Variants in DMD observed in about 807,000 individuals in gnomAD.
DMD encodes dystrophin.
DMD carries 63 observed loss-of-function variants against 330.1 expected under a neutral mutation model. That is an observed-to-expected ratio of 0.19 (90% confidence interval 0.16 to 0.24). The LOEUF (loss-of-function observed/expected upper bound fraction) is 0.24, where lower values mean the gene tolerates loss of function less well. Among genes scored for constraint, DMD ranks in the 10% least tolerant of loss-of-function variants. DMD has a pLI of 1.00. For synonymous variants in DMD, 1,223 were observed against 959.8 expected (o/e 1.27, Z -5.07); for missense variants, 3,344 against 2,684.1 (o/e 1.25, Z -5.43).
chrX:33,227,406 A>G (rs2052310771), intron 1 of DMD, among the ~76,000 whole-genome samples: 1 of 111,031 alleles, frequency 9.0e-6, no homozygotes, highest in South Asian at 3.7e-4. Context: ...TTTCATCCTG[A>G]TAAGGTTTTT....
At chrX:31,489,288 G>T (rs953471006) in intron 57 of DMD, among the ~76,000 whole-genome samples, 3 of 111,714 alleles carry the variant, frequency 2.7e-5, no homozygotes, top group African/African-American at 9.8e-5. Context: ...CTACAGGCAC[G>T]TGTCACCACG....
At chrX:32,223,001 A>G (rs1445361253) in intron 43 of DMD, among the ~76,000 whole-genome samples, 2 of 112,000 alleles carry the variant, frequency 1.8e-5, no homozygotes, top group African/African-American at 6.5e-5. Flanking sequence ...AAGAAATAAA[A>G]CTTCCAGCAG....
intron 4 of DMD, among the ~76,000 whole-genome samples, chrX:32,835,529 T>G (rs1035718080): frequency 5.3e-5 from 6 of 112,753 alleles, no homozygotes; most frequent in African/African-American, 9.7e-5. Flanking sequence ...ATAAGTGGCT[T>G]TCCAAAATAC....
intron 1 of DMD, among the ~76,000 whole-genome samples, chrX:33,139,528 C>T (rs116567048): frequency 9.1e-6 from 1 of 110,493 alleles, no homozygotes; most frequent in South Asian, 3.8e-4. Context: ...GTGATCGGAG[C>T]ATGCGGGTGG....
intron 1 of DMD, among the ~76,000 whole-genome samples, chrX:33,171,669 T>C (rs749502565): frequency 9.0e-6 from 1 of 111,705 alleles, no homozygotes. Flanking sequence ...TGCAAAATAA[T>C]TGAGAAATGA....
chrX:32,411,329 C>G (rs1346824303), intron 30 of DMD, among the ~76,000 whole-genome samples: 1 of 110,520 alleles, frequency 9.0e-6, no homozygotes, highest in Non-Finnish European at 1.9e-5. Flanking sequence ...CAGGGTTTCA[C>G]CATGTTGGCC....
chrX:31,234,242 C>A (rs1402782009), intron 63 of DMD, among the ~76,000 whole-genome samples: 1 of 112,493 alleles, frequency 8.9e-6, no homozygotes, highest in African/African-American at 3.2e-5. Flanking sequence ...CAGTTACACT[C>A]TTTTTCAGGT....
chrX:31,299,980 T>G (rs1335628308), intron 62 of DMD, among the ~76,000 whole-genome samples: 1 of 111,601 alleles, frequency 9.0e-6, no homozygotes, highest in Non-Finnish European at 1.9e-5. Flanking sequence ...AATAATTCTA[T>G]TCTCTCCAAT....
chrX:32,270,746 C>G (rs1243735878), intron 43 of DMD, among the ~76,000 whole-genome samples: 1 of 111,635 alleles, frequency 9.0e-6, no homozygotes, highest in Non-Finnish European at 1.9e-5. Context: ...GCCATTCCAG[C>G]TTGAGCCCCA....
intron 55 of DMD, among the ~76,000 whole-genome samples, chrX:31,584,727 C>T (rs1394209315): frequency 9.0e-6 from 1 of 111,302 alleles, no homozygotes; most frequent in African/African-American, 3.3e-5. Flanking sequence ...AGAGAATTGA[C>T]ACTAGGTACA....
At chrX:33,245,407 T>C (rs1390414204) in intron 1 of DMD, among the ~76,000 whole-genome samples, 5 of 112,067 alleles carry the variant, frequency 4.5e-5, no homozygotes, top group African/African-American at 1.6e-4. Context: ...TTAATAAAAC[T>C]ACATATGTTG....
chrX:31,669,840 T>TG (rs1457704964), intron 53 of DMD, among the ~76,000 whole-genome samples: 1 of 95,056 alleles, frequency 1.1e-5, no homozygotes, highest in African/African-American at 4.4e-5. Flanking sequence ...TGTCAATTTC[T>TG]GAAAAAAAAA....
intron 2 of DMD, among the ~76,000 whole-genome samples, chrX:32,908,140 G>A (rs2086886082): frequency 8.9e-6 from 1 of 111,957 alleles, no homozygotes; most frequent in Non-Finnish European, 1.9e-5. Flanking sequence ...ATGTGATGTA[G>A]GCTCTAATCA....
At chrX:32,834,624 A>G (rs2079448323) in intron 4 of DMD, among the ~76,000 whole-genome samples, 2 of 111,183 alleles carry the variant, frequency 1.8e-5, no homozygotes, top group Non-Finnish European at 3.8e-5. Flanking sequence ...TTAAATACTC[A>G]CCTTGGATTT....
intron 62 of DMD, among the ~76,000 whole-genome samples, chrX:31,297,804 A>G (rs1423078474): frequency 8.9e-6 from 1 of 112,223 alleles, no homozygotes; most frequent in Admixed American, 9.5e-5. Flanking sequence ...AAAGTGGGGA[A>G]TGCATATGCA....
intron 44 of DMD, among the ~76,000 whole-genome samples, chrX:32,164,152 G>A (rs1021972518): frequency 6.3e-5 from 7 of 111,183 alleles, no homozygotes; most frequent in African/African-American, 1.6e-4. Context: ...CAAGCAGATC[G>A]CTTGAGCGCA....
At chrX:32,832,122 T>A (rs1302199255) in intron 4 of DMD, among the ~76,000 whole-genome samples, 2 of 111,410 alleles carry the variant, frequency 1.8e-5, no homozygotes, top group Admixed American at 1.9e-4. Context: ...TGTTCCCTCA[T>A]ATGCAGTGTA....
At chrX:33,081,526 G>A (rs76264942) in intron 1 of DMD, among the ~76,000 whole-genome samples, 4 of 111,897 alleles carry the variant, frequency 3.6e-5, no homozygotes, top group East Asian at 2.8e-4. Context: ...CGCCCTCCTC[G>A]GCCTCCCAAA....
intron 1 of DMD, among the ~76,000 whole-genome samples, chrX:33,142,328 AC>A (rs1300549784): frequency 8.9e-6 from 1 of 112,565 alleles, no homozygotes; most frequent in Non-Finnish European, 1.9e-5. Context: ...CAGGTGATCC[AC>A]CCGCCTTGGC....
Sources: gnomAD v4.1 joint callset for allele counts (sites outside exome capture counted in the v4.1 genomes callset) on GRCh38, gnomAD v4.1.1 for gene constraint, MANE v1.5 for transcripts, NCBI Gene and HGNC (gene_info 2026-07-23, HGNC 2026-07-21) for gene names.